DLGAP2: variants seen among roughly 807,000 people sequenced by gnomAD.
The protein encoded by DLGAP2 is disks large-associated protein 2.
DLGAP2 carries 26 observed loss-of-function variants against 100.3 expected under a neutral mutation model. The ratio of observed to expected loss-of-function variants is 0.26; its 90% CI spans 0.19 to 0.36. The LOEUF is 0.36. Ranked by LOEUF, DLGAP2 falls within the 10% of genes least tolerant of loss-of-function variation. The pLI is 1.00. For synonymous variants in DLGAP2, 886 were observed against 630.1 expected (o/e 1.41, Z -6.08); for missense variants, 1,858 against 1,453.2 (o/e 1.28, Z -4.53).
At chr8:1,464,217 G>C (rs1040308414) in intron 3 of DLGAP2, among the ~76,000 whole-genome samples, 1 of 151,476 alleles carries the variant, frequency 6.6e-6, no homozygotes, top group Non-Finnish European at 1.5e-5. Context: ...ACCCTTCCAG[G>C]ACGGCTCCCT....
intron 3 of DLGAP2, among the ~76,000 whole-genome samples, chr8:1,366,923 G>T (rs572197632): frequency 9.9e-5 from 15 of 151,712 alleles, no homozygotes; most frequent in African/African-American, 3.4e-4. Context: ...CACAGACCCC[G>T]GTAAATAACA....
At chr8:1,520,927 C>T (rs968282049) in intron 4 of DLGAP2, among the ~76,000 whole-genome samples, 4 of 152,160 alleles carry the variant, frequency 2.6e-5, no homozygotes, top group African/African-American at 4.8e-5. Flanking sequence ...TAAGAAACCA[C>T]GAAACTGTCT....
chr8:765,716 C>T (rs978160770), intron 1 of DLGAP2, among the ~76,000 whole-genome samples: 1 of 152,182 alleles, frequency 6.6e-6, no homozygotes, highest in South Asian at 2.1e-4. Flanking sequence ...ATGGTGCCTT[C>T]ACCTCGTTGC....
intron 2 of DLGAP2, among the ~76,000 whole-genome samples, chr8:1,044,633 T>G (rs1046555862): frequency 2.0e-5 from 3 of 152,204 alleles, no homozygotes; most frequent in African/African-American, 7.2e-5. Context: ...GGGTCTCCTC[T>G]CCCATCCTTT....
chr8:943,648 C>T (rs989054994), intron 2 of DLGAP2, among the ~76,000 whole-genome samples: 9 of 150,084 alleles, frequency 6.0e-5, no homozygotes, highest in African/African-American at 2.0e-4. Context: ...GTGGCCATCC[C>T]GCCACAAGCA....
intron 1 of DLGAP2, among the ~76,000 whole-genome samples, chr8:858,006 G>T (rs754936633): frequency 2.8e-4 from 43 of 152,026 alleles, no homozygotes; most frequent in Non-Finnish European, 5.1e-4. Flanking sequence ...AGTAGCTGGG[G>T]TTACAGGCAT....
At chr8:947,635 C>T (rs916944247) in intron 2 of DLGAP2, among the ~76,000 whole-genome samples, 2 of 152,188 alleles carry the variant, frequency 1.3e-5, no homozygotes, top group East Asian at 1.9e-4. Flanking sequence ...GTCACCACCT[C>T]CACGCGCGGC....
rs572846332 is a variant in DLGAP2 at position 1,429,409 on chromosome 8, T to A, written c.107-71957T>A. On this transcript the variant is annotated intron_variant, in intron 3 of 14. Coordinates refer to ENST00000637795, the MANE Select transcript of DLGAP2 (RefSeq NM_001346810.2). ...GTGGCTGCTGTCACTCACTGTGAGCTCATGGGGTCCAGGATTGTGTCTTGT... is the reference window on the plus strand; with the variant it reads ...GTGGCTGCTGTCACTCACTGTGAGCACATGGGGTCCAGGATTGTGTCTTGT... 2.0e-5 allele frequency among the ~76,000 whole-genome samples: 3 copies of A among 152,282 alleles called. No homozygotes were observed. In the South Asian group the frequency reaches 6.2e-4, roughly 32 times the overall value.
At chr8:1,588,442 A>G (rs763276829) in intron 6 of DLGAP2, among the ~76,000 whole-genome samples, 72 of 152,314 alleles carry the variant, frequency 4.7e-4, no homozygotes, top group Non-Finnish European at 7.8e-4. Context: ...ATTCTCCCCA[A>G]TAGTAAAGAC....
intron 1 of DLGAP2, among the ~76,000 whole-genome samples, chr8:899,403 G>C (rs1315220006): frequency 6.6e-6 from 1 of 152,210 alleles, no homozygotes; most frequent in Non-Finnish European, 1.5e-5. Context: ...AGTGGTGAGT[G>C]TGACTCCTTA....
chr8:1,667,475 C>T (rs544224418), intron 8 of DLGAP2, among the ~76,000 whole-genome samples: 4 of 152,274 alleles, frequency 2.6e-5, no homozygotes, highest in East Asian at 1.9e-4. Flanking sequence ...GGCCCCTTTC[C>T]GGTGGTCTTC....
chr8:949,831 C>A (rs1799431102), intron 2 of DLGAP2, among the ~76,000 whole-genome samples: 1 of 152,168 alleles, frequency 6.6e-6, no homozygotes, highest in South Asian at 2.1e-4. Context: ...AGAACACAGG[C>A]ACCCACAGTG....
chr8:844,395 A>T (rs1355021083), intron 1 of DLGAP2, among the ~76,000 whole-genome samples: 3 of 152,252 alleles, frequency 2.0e-5, no homozygotes, highest in African/African-American at 7.2e-5. Context: ...TCAACAAAGA[A>T]ATATTGGTAG....
At chr8:836,682 C>A (rs1052232737) in intron 1 of DLGAP2, among the ~76,000 whole-genome samples, 1 of 152,170 alleles carries the variant, frequency 6.6e-6, no homozygotes, top group African/African-American at 2.4e-5. Context: ...TGCCCTTTGA[C>A]CCTGGAAGGG....
In DLGAP2 at chr8:1,183,022, C is replaced by T. The variant is rs114961558; in HGVS notation, c.74-75829C>T. 1.4e-3 allele frequency among the ~76,000 whole-genome samples: 209 copies of T among 152,292 alleles called. 9 individuals carry two copies. In the South Asian group the frequency reaches 0.038, roughly 28 times the overall value. On this transcript the variant is annotated intron_variant, in intron 2 of 14. Transcript: ENST00000637795. The stretch of plus-strand genomic sequence containing the variant: ...TCCTGGAAGTGTGTCACTGCCAGTG[C>T]GGGGAACGTGAGATTTACTCACCCA...
intron 2 of DLGAP2, among the ~76,000 whole-genome samples, chr8:1,015,296 C>T (rs866626604): frequency 0.015 from 39 of 2,558 alleles, 2 homozygotes; most frequent in African/African-American, 0.043. Flanking sequence ...GGACAGACGG[C>T]GCCTCCACTG....
chr8:1,367,225 T>C (rs905247618), intron 3 of DLGAP2, among the ~76,000 whole-genome samples: 4 of 152,226 alleles, frequency 2.6e-5, no homozygotes, highest in Non-Finnish European at 5.9e-5. Flanking sequence ...ATTTTGACCA[T>C]AGCCTGGTGA....
At chr8:775,970 C>T (rs1355128967) in intron 1 of DLGAP2, among the ~76,000 whole-genome samples, 16 of 151,108 alleles carry the variant, frequency 1.1e-4, no homozygotes, top group African/African-American at 2.9e-4. Flanking sequence ...GCTGTGAATC[C>T]GTCTGGTCCT....
chr8:867,089 A>G (rs1473712893), intron 1 of DLGAP2, among the ~76,000 whole-genome samples: 3 of 152,198 alleles, frequency 2.0e-5, no homozygotes, highest in Non-Finnish European at 4.4e-5. Flanking sequence ...GGTACCACTG[A>G]TTCGTGTGCC....
Sources: gnomAD v4.1 joint callset for allele counts (sites outside exome capture counted in the v4.1 genomes callset) on GRCh38, gnomAD v4.1.1 for gene constraint, MANE v1.5 for transcripts, NCBI Gene and HGNC (gene_info 2026-07-23, HGNC 2026-07-21) for gene names.